PCDHA11: variants seen among roughly 807,000 people sequenced by gnomAD.
PCDHA11 encodes the protein protocadherin alpha 11, also known as protocadherin alpha-11.
Under a neutral mutation model 70.3 loss-of-function variants are expected in PCDHA11, and 61 were observed. The observed-to-expected ratio is 0.87, with a 90% CI of 0.71 to 1.07. The LOEUF is 1.07. Among genes scored for constraint, PCDHA11 ranks in the 50% least tolerant of loss-of-function variants. The pLI is 0.00. For synonymous variants in PCDHA11, 633 were observed against 555.1 expected, an observed-to-expected ratio of 1.14 and a Z score of -1.97; for missense variants, 1,324 against 1,237.5, an observed-to-expected ratio of 1.07 and a Z score of -1.05.
chr5:141,009,771 T>C lies in PCDHA11; in HGVS notation c.2684T>C (p.Ile895Thr), dbSNP rs142720081. 3.1e-5 allele frequency: 50 copies of C among 1,613,964 alleles called. No homozygotes were observed. The highest frequency in any genetic ancestry group is 1.6e-4 in the Middle Eastern group (1 of 6,084). Residue 895 changes from isoleucine (I) to threonine (T), a missense_variant, in exon 4 of 4, where the codon ATC (isoleucine) becomes ACC (threonine). Transcript: ENST00000398640. ...DKFIIPGSPA[I>T]ISIRQEPTNS... ...TTCATTATCCCAGGATCTCCTGCAA[T>C]CATCTCCATCCGGCAGGAGCCTACT...
intron 1 of PCDHA11, among the ~76,000 whole-genome samples, chr5:140,894,258 G>T (rs2153446538): frequency 6.6e-6 from 1 of 151,918 alleles, no homozygotes; most frequent in South Asian, 2.1e-4. Flanking sequence ...TTCTTTACAA[G>T]TGGTAGCTTA....
intron 1 of PCDHA11, among the ~76,000 whole-genome samples, chr5:140,907,247 T>C (rs1328809549): frequency 1.3e-5 from 2 of 152,216 alleles, no homozygotes; most frequent in Non-Finnish European, 2.9e-5. Context: ...GACATTGTAA[T>C]TGTGACTTCA....
intron 1 of PCDHA11, among the ~76,000 whole-genome samples, chr5:140,895,125 G>T (rs1165797883): frequency 2.0e-5 from 3 of 152,068 alleles, no homozygotes; most frequent in African/African-American, 7.2e-5. Flanking sequence ...TTTGTTAGTT[G>T]ACAAGTTCAT....
chr5:140,968,301 A>G (rs886575781), intron 1 of PCDHA11: 9 of 1,613,914 alleles, frequency 5.6e-6, no homozygotes, highest in Non-Finnish European at 7.6e-6. Flanking sequence ...CTGGAGAGGG[A>G]GATTCAAGGG....
intron 1 of PCDHA11, among the ~76,000 whole-genome samples, chr5:140,886,192 G>A (rs2060891690): frequency 6.6e-6 from 1 of 152,118 alleles, no homozygotes; most frequent in Non-Finnish European, 1.5e-5. Context: ...CTGGCAAGCA[G>A]TAATCTGTTC....
intron 1 of PCDHA11, chr5:140,877,716 G>A: frequency 6.2e-7 from 1 of 1,614,116 alleles, no homozygotes; most frequent in Non-Finnish European, 8.5e-7. Context: ...TGGGGAGTTG[G>A]TCTTACTCGC....
intron 1 of PCDHA11, chr5:140,876,735 T>C (rs782576636): frequency 2.0e-5 from 33 of 1,614,084 alleles, no homozygotes; most frequent in Non-Finnish European, 2.7e-5. Context: ...TGTCGGCCTA[T>C]GAGCTGGTGG....
intron 1 of PCDHA11, among the ~76,000 whole-genome samples, chr5:140,940,750 G>A (rs1274521070): frequency 2.6e-5 from 4 of 152,136 alleles, no homozygotes; most frequent in Non-Finnish European, 5.9e-5. Context: ...TTTTATGTGT[G>A]CCAACTTTTA....
Position 140,932,319 on chromosome 5 carries a change from G to A in PCDHA11, c.2392-46630G>A, listed in dbSNP as rs60286116. Among the ~76,000 whole-genome samples the A allele has an allele frequency of 3.3e-3, 499 of 151,902 alleles. 2 individuals are homozygous for A. The highest frequency in any genetic ancestry group is 0.012 in the African/African-American group (480 of 41,512). ...TTTTTAAAGGTATAAATATATTAATGTAGCAAAAATGCATGAAACACTTAC... is the reference window on the plus strand; with the variant it reads ...TTTTTAAAGGTATAAATATATTAATATAGCAAAAATGCATGAAACACTTAC... On this transcript the variant is annotated intron_variant, in intron 1 of 3. Transcript: ENST00000398640.
intron 1 of PCDHA11, among the ~76,000 whole-genome samples, chr5:140,975,853 C>T (rs1419464318): frequency 6.6e-6 from 1 of 152,126 alleles, no homozygotes; most frequent in African/African-American, 2.4e-5. Context: ...AATACTACAT[C>T]ACCCATATGG....
intron 1 of PCDHA11, chr5:140,876,221 T>C: frequency 1.2e-6 from 2 of 1,613,988 alleles, no homozygotes; most frequent in Non-Finnish European, 1.7e-6. Context: ...TATAAAGTAG[T>C]GTTGTCTGAA....
chr5:140,883,259 G>A (rs573584031), intron 1 of PCDHA11: 1 of 1,614,000 alleles, frequency 6.2e-7, no homozygotes, highest in East Asian at 2.2e-5. Flanking sequence ...TATTCCAATG[G>A]CGGGTCATTG....
chr5:141,010,403 G>T lies in PCDHA11; in HGVS notation c.*466G>T. ...ATATTGGCTGAGACGAGCCAGCTTA[G>T]ACTAATTGGTACAAGGAAGGCAAGA... On this transcript the variant is annotated 3_prime_UTR_variant, in exon 4 of 4. Transcript: ENST00000398640. 2 of 1,285,614 alleles carry T rather than the reference G, an allele frequency of 1.6e-6. No individual in the cohort carries two copies. Among genetic ancestry groups the T allele is most frequent in the Non-Finnish European group, 2.1e-6 (2 of 956,000 alleles). The allele number at this position is 1,285,614 out of a possible 1,614,324, so 79.6% of individuals were successfully genotyped here. A position where few individuals can be genotyped will look rare whatever the true frequency, so the allele number is the denominator to read the frequency against.
At chr5:141,002,342 C>A (rs1047277199) in intron 3 of PCDHA11, among the ~76,000 whole-genome samples, 3 of 152,070 alleles carry the variant, frequency 2.0e-5, no homozygotes, top group African/African-American at 4.8e-5. Flanking sequence ...CGCACCCCTT[C>A]CCCCACCTCC....
chr5:140,891,374 A>G (rs960838202), intron 1 of PCDHA11, among the ~76,000 whole-genome samples: 11 of 151,996 alleles, frequency 7.2e-5, no homozygotes, highest in Non-Finnish European at 1.3e-4. Flanking sequence ...TATACATTGC[A>G]CCATATTTGC....
intron 1 of PCDHA11, chr5:140,929,740 A>G (rs2086345950): frequency 5.1e-6 from 1 of 196,656 alleles, no homozygotes; most frequent in African/African-American, 2.3e-5. Context: ...AACTATTGCA[A>G]TGCATTATTA....
chr5:140,881,318 C>G (rs970806128), intron 1 of PCDHA11: 20 of 977,252 alleles, frequency 2.0e-5, no homozygotes, highest in East Asian at 2.3e-4. Context: ...TGGTTAAATT[C>G]TATTTAACCA....
chr5:140,975,358 A>T (rs1212652611), intron 1 of PCDHA11, among the ~76,000 whole-genome samples: 1 of 152,258 alleles, frequency 6.6e-6, no homozygotes, highest in East Asian at 1.9e-4. Flanking sequence ...CAACTGTGCT[A>T]CATAGCATAA....
rs941007574 is a variant in PCDHA11, at chr5:141,010,090, C to T, written c.*153C>T. 1.9e-6 allele frequency: 3 copies of T among 1,612,518 alleles called. No individual in the cohort carries two copies. Among genetic ancestry groups the T allele is most frequent in the Non-Finnish European group, 2.5e-6 (3 of 1,179,284 alleles). ...AAGTTCCCTGTGTCTGTCTAGAACG[C>T]ATTTAACAGGTTTTGTCGTAAAAGC... is the stretch of plus-strand genomic sequence containing the variant. On this transcript the variant is annotated 3_prime_UTR_variant, in exon 4 of 4. Coordinates refer to ENST00000398640, the MANE Select transcript of PCDHA11 (RefSeq NM_018902.5).
Sources: gnomAD v4.1 joint callset for allele counts (sites outside exome capture counted in the v4.1 genomes callset) on GRCh38, gnomAD v4.1.1 for gene constraint, MANE v1.5 for transcripts, NCBI Gene and HGNC (gene_info 2026-07-23, HGNC 2026-07-21) for gene names.